Variants in MYO18B observed in about 807,000 individuals in gnomAD.
MYO18B encodes myosin XVIIIB.
MYO18B carries 204 observed loss-of-function variants against 273.0 expected under a neutral mutation model. The observed-to-expected ratio is 0.75, with a 90% CI of 0.67 to 0.84. MYO18B has a LOEUF of 0.84. Among genes scored for constraint, MYO18B ranks in the 40% least tolerant of loss-of-function variants. MYO18B has a pLI of 0.00. For synonymous variants in MYO18B, 1,330 were observed against 1,305.7 expected, an observed-to-expected ratio of 1.02 and a Z score of -0.40; for missense variants, 3,212 against 3,287.6, an observed-to-expected ratio of 0.98 and a Z score of 0.56.
chr22:25,934,396 T>C (rs2092550482), intron 34 of MYO18B, among the ~76,000 whole-genome samples: 2 of 152,174 alleles, frequency 1.3e-5, no homozygotes, highest in Admixed American at 1.3e-4. Context: ...CTGGATATTC[T>C]GGTGAGTTGG....
chr22:26,016,624 A>G (rs1182941480), intron 42 of MYO18B, among the ~76,000 whole-genome samples: 2 of 152,200 alleles, frequency 1.3e-5, no homozygotes, highest in African/African-American at 4.8e-5. Flanking sequence ...GCAGTTCCAC[A>G]ATCCCCCATC....
Position 25,843,414 on chromosome 22 carries a change from C to T in MYO18B, c.3209-321C>T, listed in dbSNP as rs141421545. Among the ~76,000 whole-genome samples, 5 of 152,054 alleles carry T rather than the reference C, an allele frequency of 3.3e-5. No homozygotes were observed. In the East Asian group the frequency reaches 5.8e-4, roughly 18 times the overall value. ...GTACTGTACTTGTGAAAATGTAAGTCGATTTAAAGAAAACATCAAGTAAAT... is the reference window on the plus strand; with the variant it reads ...GTACTGTACTTGTGAAAATGTAAGTTGATTTAAAGAAAACATCAAGTAAAT... On this transcript the variant is annotated intron_variant, in intron 17 of 43. Transcript: ENST00000335473.
At chr22:25,958,873 C>G (rs187852070) in intron 39 of MYO18B, among the ~76,000 whole-genome samples, 2 of 152,312 alleles carry the variant, frequency 1.3e-5, no homozygotes, top group East Asian at 3.9e-4. Context: ...CATATGTTCT[C>G]TCTAAACTAC....
At chr22:25,792,739 C>T (rs1405377617) in intron 11 of MYO18B, among the ~76,000 whole-genome samples, 1 of 152,158 alleles carries the variant, frequency 6.6e-6, no homozygotes, top group Non-Finnish European at 1.5e-5. Flanking sequence ...GATCTCTCTG[C>T]CTCGGCCTCC....
At chr22:25,960,938 C>T (rs546119704) in intron 39 of MYO18B, among the ~76,000 whole-genome samples, 1 of 152,116 alleles carries the variant, frequency 6.6e-6, no homozygotes, top group Admixed American at 6.5e-5. Flanking sequence ...CACTTCAGGC[C>T]TGGAGTTCAA....
intron 34 of MYO18B, among the ~76,000 whole-genome samples, chr22:25,935,239 C>G (rs1024797866): frequency 3.3e-5 from 5 of 152,200 alleles, no homozygotes; most frequent in African/African-American, 1.2e-4. Flanking sequence ...AAAAAGCAGA[C>G]ACTTCCATAA....
intron 12 of MYO18B, among the ~76,000 whole-genome samples, chr22:25,802,536 G>A (rs985314371): frequency 6.6e-6 from 1 of 151,986 alleles, no homozygotes; most frequent in Non-Finnish European, 1.5e-5. Flanking sequence ...AGATCACAAG[G>A]TCAGGAGATC....
chr22:25,989,626 CA>C (rs56004208), intron 39 of MYO18B, among the ~76,000 whole-genome samples: 1,298 of 88,406 alleles, frequency 0.015, 20 homozygotes, highest in African/African-American at 0.06. Context: ...ACTAAAAATA[CA>C]AAAAAAAAAA....
intron 42 of MYO18B, among the ~76,000 whole-genome samples, chr22:26,006,812 G>C (rs891661589): frequency 3.9e-5 from 6 of 152,148 alleles, no homozygotes; most frequent in African/African-American, 1.4e-4. Context: ...CCTAGAAAGA[G>C]CCACAAAAAA....
intron 7 of MYO18B, among the ~76,000 whole-genome samples, chr22:25,773,762 C>A (rs961741437): frequency 1.3e-5 from 2 of 152,164 alleles, no homozygotes; most frequent in Non-Finnish European, 2.9e-5. Flanking sequence ...TGCGCCTGGC[C>A]GATTTGTATC....
Position 25,851,589 on chromosome 22 carries a change from G to A in MYO18B, c.3885+10G>A, listed in dbSNP as rs1417867650. The A allele has an allele frequency of 2.5e-5, 39 of 1,532,190 alleles. No individual in the cohort carries two copies. The highest frequency in any genetic ancestry group is 3.4e-5 in the Non-Finnish European group (38 of 1,128,578). 94.9% of individuals were successfully genotyped at this position (1,532,190 alleles called of 1,614,324 possible). Reference sequence around the variant, plus strand: ...AATAGATGAAAGGAAGGTAGGTGGAGCACATGCGAGAGGGGTGAAGGCCCT... The same window carrying A: ...AATAGATGAAAGGAAGGTAGGTGGAACACATGCGAGAGGGGTGAAGGCCCT... On this transcript the variant is annotated intron_variant, in intron 21 of 43. Transcript: ENST00000335473.
rs1936646145 is a variant in MYO18B, at chr22:26,030,983, A to T, written c.*553A>T. The stretch of plus-strand genomic sequence containing the variant: ...ATAAGTGTGTACAAGCATTCAAGAA[A>T]CTGATGAATGATGAATGAATGAATG... On this transcript the variant is annotated 3_prime_UTR_variant, in exon 44 of 44. Coordinates refer to ENST00000335473, the MANE Select transcript of MYO18B (RefSeq NM_032608.7). 3.5e-5 allele frequency: 14 copies of T among 398,556 alleles called. No homozygotes were observed. Among genetic ancestry groups the T allele is most frequent in the Middle Eastern group, 1.3e-3 (2 of 1,588 alleles). 24.7% of individuals were successfully genotyped at this position (398,556 alleles called of 1,614,324 possible). A position where few individuals can be genotyped will look rare whatever the true frequency, so the allele number is the denominator to read the frequency against.
rs965660302 is a variant in MYO18B, at chr22:25,925,067, C to T, written c.5517+3658C>T. On this transcript the variant is annotated intron_variant, in intron 34 of 43. Transcript: ENST00000335473. ...GCACACAGCAATACATGTCCTATAC[C>T]CTTACAACTTGGTTTGACCAATACG... Among the ~76,000 whole-genome samples, 5 of 152,102 alleles carry T rather than the reference C, an allele frequency of 3.3e-5. No homozygotes were observed. In the South Asian group the frequency reaches 8.3e-4, roughly 25 times the overall value.
rs550828948 is a variant in MYO18B, at chr22:25,774,037, C to T, written c.1869+1527C>T. ...CTGGTGTCTAGGAAAGATCATGATA[C>T]CTCTTCTGGTTTCCATGTTCTCCTC... is the stretch of plus-strand genomic sequence containing the variant. On this transcript the variant is annotated intron_variant, in intron 7 of 43. Transcript: ENST00000335473. Among the ~76,000 whole-genome samples the T allele has an allele frequency of 5.3e-5, 8 of 152,292 alleles. No homozygotes were observed. The South Asian group carries it at 1.7e-3, about 32-fold the overall frequency.
chr22:25,806,165 T>A (rs1481461820), intron 12 of MYO18B, among the ~76,000 whole-genome samples: 6 of 152,208 alleles, frequency 3.9e-5, no homozygotes, highest in African/African-American at 1.4e-4. Context: ...AGGGAGAGGT[T>A]GCCCTGGAAT....
chr22:25,942,653 G>A (rs2092658081), intron 34 of MYO18B, among the ~76,000 whole-genome samples: 1 of 152,152 alleles, frequency 6.6e-6, no homozygotes, highest in Admixed American at 6.5e-5. Flanking sequence ...TTTATCAAAA[G>A]GTCCTAATGG....
intron 25 of MYO18B, chr22:25,884,676 G>C (rs1433229446): frequency 1.3e-5 from 2 of 152,166 alleles, no homozygotes; most frequent in Non-Finnish European, 2.9e-5. Context: ...TGAATAATCT[G>C]GGCACTGTAC....
rs1162953327 is a variant in MYO18B at position 25,883,069 on chromosome 22, TTCAATTTTGG to T, written c.4314+5023_4314+5032del. On this transcript the variant is annotated intron_variant, in intron 25 of 43. Coordinates refer to ENST00000335473, the MANE Select transcript of MYO18B (RefSeq NM_032608.7). The surrounding 1 kb of genome is among the most constrained non-coding windows in gnomAD (Gnocchi z 7.6). ...GCATCACCATGCCTGGCTGTTTTTT[TTCAATTTTGG>T]TAGAGATGGGGGTCTCACTTTGTTG... is the stretch of plus-strand genomic sequence containing the variant. Among the ~76,000 whole-genome samples the T allele has an allele frequency of 6.6e-6, 1 of 152,012 alleles. No individual in the cohort carries two copies. The highest frequency in any genetic ancestry group is 1.5e-5 in the Non-Finnish European group (1 of 67,996).
chr22:25,752,423 G>A (rs924248885), intron 1 of MYO18B, among the ~76,000 whole-genome samples: 2 of 151,576 alleles, frequency 1.3e-5, no homozygotes, highest in African/African-American at 2.4e-5. Context: ...TCCTGACCTC[G>A]TGATCCGCCC....
Sources: allele counts gnomAD v4.1 joint callset (sites outside exome capture counted in the v4.1 genomes callset), GRCh38; gene constraint gnomAD v4.1.1; non-coding constraint Gnocchi (gnomAD v3.1); transcripts MANE v1.5; gene names NCBI Gene and HGNC (gene_info 2026-07-23, HGNC 2026-07-21).